The following MARCHF1 variants were observed in gnomAD, a reference collection of about 807,000 sequenced individuals.
MARCHF1 encodes the protein membrane associated ring-CH-type finger 1.
MARCHF1 carries 40 observed loss-of-function variants against 54.2 expected under a neutral mutation model. The ratio of observed to expected loss-of-function variants is 0.74; its 90% CI spans 0.57 to 0.96. The LOEUF (loss-of-function observed/expected upper bound fraction) is 0.96. Ranked by LOEUF, MARCHF1 falls within the 40% of genes least tolerant of loss-of-function variation. The pLI is 0.00. For synonymous variants in MARCHF1, 236 were observed against 236.3 expected, an observed-to-expected ratio of 1.00 and a Z score of 0.01; for missense variants, 586 against 656.5, an observed-to-expected ratio of 0.89 and a Z score of 1.17.
At chr4:163,945,221 G>T (rs957936302) in intron 3 of MARCHF1, among the ~76,000 whole-genome samples, 2 of 152,034 alleles carry the variant, frequency 1.3e-5, no homozygotes, top group African/African-American at 4.8e-5. Flanking sequence ...AATCCTGGTT[G>T]TTGGCCAGAC....
chr4:164,207,010 G>A (rs967180439), intron 1 of MARCHF1, among the ~76,000 whole-genome samples: 1 of 152,052 alleles, frequency 6.6e-6, no homozygotes, highest in East Asian at 1.9e-4. Context: ...TAGTAACAGG[G>A]GATATTGACT....
chr4:163,933,273 C>T (rs1035443599), intron 3 of MARCHF1: 1 of 659,144 alleles, frequency 1.5e-6, no homozygotes, highest in Non-Finnish European at 2.8e-6. Flanking sequence ...AGGGTGTCAT[C>T]CTTCTTCCCT....
intron 8 of MARCHF1, among the ~76,000 whole-genome samples, chr4:163,570,669 C>CTCT (rs1280822914): frequency 6.6e-6 from 1 of 152,078 alleles, no homozygotes; most frequent in African/African-American, 2.4e-5. Context: ...AGCCTTCAGA[C>CTCT]CTCTTTTGTT....
At chr4:164,339,930 A>C (rs1238901364) in intron 1 of MARCHF1, among the ~76,000 whole-genome samples, 1 of 152,198 alleles carries the variant, frequency 6.6e-6, no homozygotes, top group Non-Finnish European at 1.5e-5. Flanking sequence ...TATTATTAAC[A>C]ATAACATGCC....
At chr4:163,893,768 T>G (rs1382275535) in intron 3 of MARCHF1, among the ~76,000 whole-genome samples, 2 of 152,166 alleles carry the variant, frequency 1.3e-5, no homozygotes, top group Non-Finnish European at 2.9e-5. Context: ...TTTTTTAAAG[T>G]AAAGATGAAG....
chr4:163,785,243 G>T (rs1747583319), intron 4 of MARCHF1, among the ~76,000 whole-genome samples: 2 of 152,034 alleles, frequency 1.3e-5, no homozygotes, highest in Admixed American at 1.3e-4. Context: ...TAGTCACAAA[G>T]AAAAAAATGA....
At chr4:164,307,449 T>C (rs1452802253) in intron 1 of MARCHF1, among the ~76,000 whole-genome samples, 3 of 152,202 alleles carry the variant, frequency 2.0e-5, no homozygotes, top group African/African-American at 2.4e-5. Flanking sequence ...CAATAGCTGA[T>C]AGGTGGAGAT....
At chr4:163,552,460 C>T (rs1301003134) in intron 8 of MARCHF1, among the ~76,000 whole-genome samples, 7 of 152,176 alleles carry the variant, frequency 4.6e-5, no homozygotes, top group African/African-American at 1.7e-4. Flanking sequence ...TACTGAAAAA[C>T]GGTAATAAAC....
At position 163,588,621 on chromosome 4, in the gene MARCHF1, A is replaced by G. The variant is rs116713746; in HGVS notation, c.1011-2692T>C. ...AAGAAAATCTCTTCAACCGGGGGTC[A>G]GTAAACTAACACCCAATTCTGTTCA... On this transcript the variant is annotated intron_variant, in intron 7 of 9. Coordinates refer to ENST00000514618, the MANE Select transcript of MARCHF1 (RefSeq NM_001394959.1). 1.6e-3 allele frequency among the ~76,000 whole-genome samples: 251 copies of G among 152,310 alleles called. 1 individual carries two copies. Among genetic ancestry groups the G allele is most frequent in the African/African-American group, 5.6e-3 (232 of 41,576 alleles).
chr4:163,603,908 G>C (rs1024686812), intron 7 of MARCHF1, among the ~76,000 whole-genome samples: 2 of 151,582 alleles, frequency 1.3e-5, no homozygotes, highest in African/African-American at 4.8e-5. Context: ...TTGACTCAAG[G>C]GTCCCTTAAA....
chr4:164,064,690 T>A (rs1754690372), intron 2 of MARCHF1, among the ~76,000 whole-genome samples: 1 of 152,168 alleles, frequency 6.6e-6, no homozygotes, highest in Admixed American at 6.5e-5. Context: ...CTTTGTTGAA[T>A]AGGAGTGGTG....
chr4:163,945,582 C>T (rs1210221835), intron 3 of MARCHF1, among the ~76,000 whole-genome samples: 1 of 152,156 alleles, frequency 6.6e-6, no homozygotes, highest in Non-Finnish European at 1.5e-5. Flanking sequence ...CAGATCTTCA[C>T]AGGAGTTACA....
chr4:164,021,866 A>C (rs970984599), intron 2 of MARCHF1, among the ~76,000 whole-genome samples: 1 of 136,928 alleles, frequency 7.3e-6, no homozygotes. Flanking sequence ...AAAAAAAAAA[A>C]TTATATATAT....
At chr4:163,770,411 T>C (rs1037390036) in intron 4 of MARCHF1, among the ~76,000 whole-genome samples, 1 of 152,184 alleles carries the variant, frequency 6.6e-6, no homozygotes. Context: ...TCTGCTTTGT[T>C]GCTAGACTGC....
intron 2 of MARCHF1, among the ~76,000 whole-genome samples, chr4:164,090,906 A>T (rs1285501988): frequency 3.3e-5 from 5 of 152,176 alleles, no homozygotes; most frequent in Non-Finnish European, 7.4e-5. Context: ...TCCTGAAGAA[A>T]AGGTGAAGGC....
At chr4:163,875,460 T>A (rs1652854756) in intron 3 of MARCHF1, among the ~76,000 whole-genome samples, 1 of 152,114 alleles carries the variant, frequency 6.6e-6, no homozygotes, top group Non-Finnish European at 1.5e-5. Flanking sequence ...AATCTCAATA[T>A]GAAAGAAAAT....
At chr4:164,277,755 T>A (rs1379067627) in intron 1 of MARCHF1, among the ~76,000 whole-genome samples, 1 of 152,252 alleles carries the variant, frequency 6.6e-6, no homozygotes, top group African/African-American at 2.4e-5. Context: ...CATATTGAAC[T>A]GTAAGTCTCC....
chr4:164,259,971 AT>A (rs1312404265), intron 1 of MARCHF1, among the ~76,000 whole-genome samples: 2 of 152,184 alleles, frequency 1.3e-5, no homozygotes. Flanking sequence ...AGTGATGATG[AT>A]TTAATCTGTA....
chr4:163,922,631 T>G (rs1467472194), intron 3 of MARCHF1, among the ~76,000 whole-genome samples: 1 of 152,228 alleles, frequency 6.6e-6, no homozygotes, highest in African/African-American at 2.4e-5. Flanking sequence ...TAGTAGTGTT[T>G]GCTTTTATAT....
Sources: gnomAD v4.1 joint callset for allele counts (sites outside exome capture counted in the v4.1 genomes callset) on GRCh38, gnomAD v4.1.1 for gene constraint, MANE v1.5 for transcripts, NCBI Gene and HGNC (gene_info 2026-07-23, HGNC 2026-07-21) for gene names.